Variants in RASAL2 observed in about 807,000 individuals in gnomAD.
RASAL2 encodes the protein RAS protein activator like 2, also known as ras GTPase-activating protein nGAP.
RASAL2 carries 58 observed loss-of-function variants against 128.9 expected under a neutral mutation model. That is an observed-to-expected ratio of 0.45 (90% confidence interval 0.36 to 0.56). The LOEUF is 0.56. RASAL2 is among the 20% of genes least tolerant of loss of function. The pLI is 0.00. For missense variants in RASAL2, 1,360 were observed against 1,601.6 expected, an observed-to-expected ratio of 0.85 and a Z score of 2.57; for synonymous variants, 561 against 580.8, an observed-to-expected ratio of 0.97 and a Z score of 0.49.
At chr1:178,343,123 A>G (rs1323913627) in intron 3 of RASAL2, among the ~76,000 whole-genome samples, 1 of 152,234 alleles carries the variant, frequency 6.6e-6, no homozygotes, top group African/African-American at 2.4e-5. Flanking sequence ...TGATTTGGCT[A>G]TAAGCACAGT....
rs2102202102 is a variant in RASAL2 at position 178,094,445 on chromosome 1, A to C, written c.-48A>C. 3 of 1,482,836 alleles carry C rather than the reference A, an allele frequency of 2.0e-6. No homozygotes were observed. The highest frequency in any genetic ancestry group is 2.7e-6 in the Non-Finnish European group (3 of 1,115,206). The allele number at this position is 1,482,836 out of a possible 1,614,324, so 91.9% of individuals were successfully genotyped here. A position where few individuals can be genotyped will look rare whatever the true frequency, so the allele number is the denominator to read the frequency against. ...CAGGCAGGGCGCGGAGCCGCGCGCC[A>C]GCCCGCCCCGAAGCCGCCGCCTCGT... On this transcript the variant is annotated 5_prime_UTR_variant, in exon 1 of 18. Coordinates refer to ENST00000367649, the MANE Select transcript of RASAL2 (RefSeq NM_170692.4).
chr1:178,094,963 G>A (rs1658619162), intron 1 of RASAL2, among the ~76,000 whole-genome samples: 1 of 152,140 alleles, frequency 6.6e-6, no homozygotes, highest in African/African-American at 2.4e-5. Context: ...ATTCTTAGGC[G>A]ATTACTTCAA....
At chr1:178,186,065 A>G (rs971302995) in intron 1 of RASAL2, among the ~76,000 whole-genome samples, 1 of 152,152 alleles carries the variant, frequency 6.6e-6, no homozygotes, top group African/African-American at 2.4e-5. Context: ...ATTAATAAAT[A>G]TAGAGCTATT....
chr1:178,104,902 C>T (rs997078237), intron 1 of RASAL2, among the ~76,000 whole-genome samples: 7 of 152,274 alleles, frequency 4.6e-5, no homozygotes, highest in Middle Eastern at 3.4e-3. Flanking sequence ...CGTGACCTTA[C>T]TTGTATTATG....
intron 1 of RASAL2, among the ~76,000 whole-genome samples, chr1:178,117,051 T>C (rs1659544634): frequency 6.6e-6 from 1 of 152,242 alleles, no homozygotes; most frequent in South Asian, 2.1e-4. Flanking sequence ...ATAACAGACC[T>C]GTTAGATGGG....
chr1:178,380,551 T>G (rs1209952860), intron 3 of RASAL2, among the ~76,000 whole-genome samples: 1 of 152,172 alleles, frequency 6.6e-6, no homozygotes, highest in Non-Finnish European at 1.5e-5. Flanking sequence ...AATAGAGTCA[T>G]GATTATAAGC....
intron 3 of RASAL2, among the ~76,000 whole-genome samples, chr1:178,324,218 A>G (rs1308247164): frequency 1.3e-5 from 2 of 152,162 alleles, no homozygotes; most frequent in Non-Finnish European, 2.9e-5. Flanking sequence ...ATAATAGACT[A>G]GGTGTTATGT....
chr1:178,207,662 C>A (rs1413595649), intron 1 of RASAL2, among the ~76,000 whole-genome samples: 1 of 152,056 alleles, frequency 6.6e-6, no homozygotes, highest in African/African-American at 2.4e-5. Context: ...CAAGTTTTAT[C>A]AGACTGAAAA....
chr1:178,452,306 TC>T, intron 10 of RASAL2, 109 bp from the exon 11 acceptor site: 2 of 901,552 alleles, frequency 2.2e-6, no homozygotes, highest in Non-Finnish European at 3.5e-6. Flanking sequence ...TACTAGGTCC[TC>T]CTCACAGCCT....
intron 1 of RASAL2, among the ~76,000 whole-genome samples, chr1:178,171,258 C>A (rs993348045): frequency 6.6e-6 from 1 of 151,908 alleles, no homozygotes; most frequent in Non-Finnish European, 1.5e-5. Context: ...TGTACCTGCT[C>A]ACTCTTATTT....
Position 178,473,311 on chromosome 1 carries a change from C to T in RASAL2, c.*72C>T. 6.4e-7 allele frequency: 1 copy of T among 1,554,118 alleles called. No homozygotes were observed. Among genetic ancestry groups the T allele is most frequent in the Non-Finnish European group, 8.8e-7 (1 of 1,132,408 alleles). On this transcript the variant is annotated 3_prime_UTR_variant, in exon 18 of 18. Transcript: ENST00000367649. The stretch of plus-strand genomic sequence containing the variant: ...CTATCTCCAGACCTTTACCTAGCCC[C>T]TCCAGGTTTACAGAATGTTGCTACT...
At chr1:178,285,320 C>T (rs1407301440) in intron 2 of RASAL2, among the ~76,000 whole-genome samples, 1 of 151,272 alleles carries the variant, frequency 6.6e-6, no homozygotes, top group African/African-American at 2.4e-5. Context: ...CGGGGTTTCA[C>T]CTTGTTAGCC....
At chr1:178,404,520 A>T (rs1360440368) in intron 4 of RASAL2, among the ~76,000 whole-genome samples, 1 of 151,556 alleles carries the variant, frequency 6.6e-6, no homozygotes, top group East Asian at 2.0e-4. Flanking sequence ...AGCTGGGACT[A>T]CAAGCCCGTA....
At chr1:178,186,856 C>T (rs1185456311) in intron 1 of RASAL2, among the ~76,000 whole-genome samples, 2 of 151,828 alleles carry the variant, frequency 1.3e-5, no homozygotes, top group Non-Finnish European at 2.9e-5. Flanking sequence ...CAGGGTCTCT[C>T]TGTGTTGCCC....
At chr1:178,397,256 CT>C in intron 4 of RASAL2, among the ~76,000 whole-genome samples, 1 of 152,122 alleles carries the variant, frequency 6.6e-6, no homozygotes, top group Non-Finnish European at 1.5e-5. Flanking sequence ...GATATGCAAA[CT>C]ATGATTTATC....
intron 1 of RASAL2, among the ~76,000 whole-genome samples, chr1:178,110,650 A>ATATATATATGTATG (rs68137228): frequency 2.9e-5 from 4 of 139,158 alleles, no homozygotes; most frequent in Admixed American, 7.3e-5. Context: ...ATATATATAT[A>ATATATATATGTATG]TATGTATGTA....
intron 1 of RASAL2, among the ~76,000 whole-genome samples, chr1:178,281,267 C>T (rs929019009): frequency 2.1e-4 from 32 of 151,810 alleles, no homozygotes; most frequent in African/African-American, 7.5e-4. Context: ...GCATTGCTCT[C>T]TATTTCATTG....
At chr1:178,219,534 A>G (rs2102000258) in intron 1 of RASAL2, among the ~76,000 whole-genome samples, 1 of 151,556 alleles carries the variant, frequency 6.6e-6, no homozygotes, top group South Asian at 2.1e-4. Flanking sequence ...CCCTCTACTC[A>G]GGAGGCTGCG....
chr1:178,476,869 A>G lies in RASAL2; in HGVS notation c.*3630A>G, dbSNP rs1648710300. 6.6e-6 allele frequency: 1 copy of G among 152,246 alleles called. No homozygotes were observed. Among genetic ancestry groups the G allele is most frequent in the Non-Finnish European group, 1.5e-5 (1 of 68,058 alleles). The allele number at this position is 152,246 out of a possible 1,614,324, so 9.4% of individuals were successfully genotyped here. The stretch of plus-strand genomic sequence containing the variant: ...GTCCCAGAGCAAAATAACTGCCATC[A>G]AGTGAGTTTGCATTCGTATTTGTTT... On this transcript the variant is annotated 3_prime_UTR_variant, in exon 18 of 18. Coordinates refer to ENST00000367649, the MANE Select transcript of RASAL2 (RefSeq NM_170692.4).
Sources: allele counts gnomAD v4.1 joint callset (sites outside exome capture counted in the v4.1 genomes callset), GRCh38; gene constraint gnomAD v4.1.1; transcripts MANE v1.5; gene names NCBI Gene and HGNC (gene_info 2026-07-23, HGNC 2026-07-21).